The following GFOD1 variants were observed in gnomAD, a reference collection of about 807,000 sequenced individuals.
The protein encoded by GFOD1 is glucose-fructose oxidoreductase domain-containing protein 1.
Under a neutral mutation model 25.4 loss-of-function variants are expected in GFOD1, and 9 were observed. The ratio of observed to expected loss-of-function variants is 0.35; its 90% CI spans 0.21 to 0.62. GFOD1 has a LOEUF of 0.62. Ranked by LOEUF, GFOD1 falls within the 20% of genes least tolerant of loss-of-function variation. GFOD1 has a pLI of 0.72. For synonymous variants in GFOD1, 253 were observed against 245.6 expected (o/e 1.03, Z -0.28); for missense variants, 403 against 556.9 (o/e 0.72, Z 2.78).
Position 13,364,028 on chromosome 6 carries a change from C to G in GFOD1, c.*715G>C, listed in dbSNP as rs1172041152. ...TGCAGCCTGTGCTCTTTTCTTGTGG[C>G]TCCTGGGAGTCCTGCTTTTTGCTTG... On this transcript the variant is annotated 3_prime_UTR_variant, in exon 2 of 2. Coordinates refer to ENST00000379287, the MANE Select transcript of GFOD1 (RefSeq NM_018988.4). The surrounding 1 kb of genome is among the most constrained non-coding windows in gnomAD (Gnocchi z 4.1). The G allele has an allele frequency of 6.6e-6, 1 of 152,226 alleles. No individual in the cohort carries two copies. The allele number at this position is 152,226 out of a possible 1,614,324, so 9.4% of individuals were successfully genotyped here. A position where few individuals can be genotyped will look rare whatever the true frequency, so the allele number is the denominator to read the frequency against.
intron 1 of GFOD1, among the ~76,000 whole-genome samples, chr6:13,421,523 T>C (rs1562213909): frequency 6.6e-6 from 1 of 151,864 alleles, no homozygotes; most frequent in Non-Finnish European, 1.5e-5. Context: ...CTTAAAAAAT[T>C]ATACTTTCTG....
rs1342729982 is a variant in GFOD1 at position 13,361,822 on chromosome 6, A to C, written c.*2921T>G. 6.6e-6 allele frequency: 1 copy of C among 152,206 alleles called. No individual in the cohort carries two copies. Among genetic ancestry groups the C allele is most frequent in the Admixed American group, 6.5e-5 (1 of 15,288 alleles). 9.4% of individuals were successfully genotyped at this position (152,206 alleles called of 1,614,324 possible). ...TAAAATATTTTTTCATGCCTCTTTT[A>C]AAGAATATATGTTCTTTCTAATACC... On this transcript the variant is annotated 3_prime_UTR_variant, in exon 2 of 2. Coordinates refer to ENST00000379287, the MANE Select transcript of GFOD1 (RefSeq NM_018988.4).
At position 13,360,569 on chromosome 6, in the gene GFOD1, G is replaced by T. The variant is rs1396104828; in HGVS notation, c.*4174C>A. The T allele has an allele frequency of 5.0e-6, 2 of 396,364 alleles. No individual in the cohort carries two copies. The highest frequency in any genetic ancestry group is 1.0e-5 in the Non-Finnish European group (2 of 193,580). 24.6% of individuals were successfully genotyped at this position (396,364 alleles called of 1,614,324 possible). The stretch of plus-strand genomic sequence containing the variant: ...GCCAACAAGATTTTGAAAATCCCCA[G>T]CCCTGAGGCTTGCTGCATCACCTAC... On this transcript the variant is annotated 3_prime_UTR_variant, in exon 2 of 2. Coordinates refer to ENST00000379287, the MANE Select transcript of GFOD1 (RefSeq NM_018988.4).
intron 1 of GFOD1, among the ~76,000 whole-genome samples, chr6:13,485,804 C>T (rs968711418): frequency 1.5e-4 from 23 of 152,302 alleles, no homozygotes; most frequent in Admixed American, 1.2e-3. Context: ...TCATGCAAAG[C>T]ATCCATGCCT....
chr6:13,402,410 G>A (rs1785864503), intron 1 of GFOD1, among the ~76,000 whole-genome samples: 1 of 152,152 alleles, frequency 6.6e-6, no homozygotes, highest in South Asian at 2.1e-4. Flanking sequence ...CTGAATGGTA[G>A]AATATATTTG....
intron 1 of GFOD1, among the ~76,000 whole-genome samples, chr6:13,433,460 A>G (rs1409478392): frequency 6.6e-6 from 1 of 152,164 alleles, no homozygotes; most frequent in Non-Finnish European, 1.5e-5. Context: ...TGTCCTGTGC[A>G]TCATAGGATA....
At chr6:13,437,061 G>C (rs1245483338) in intron 1 of GFOD1, among the ~76,000 whole-genome samples, 3 of 152,148 alleles carry the variant, frequency 2.0e-5, no homozygotes, top group Non-Finnish European at 2.9e-5. Context: ...ACCACTTTCA[G>C]AGGGAAAGTG....
At chr6:13,463,298 G>A (rs1208569213) in intron 1 of GFOD1, among the ~76,000 whole-genome samples, 2 of 152,112 alleles carry the variant, frequency 1.3e-5, no homozygotes, top group Non-Finnish European at 2.9e-5. Context: ...GCCAATTAGC[G>A]AGTTAGGGGC....
intron 1 of GFOD1, among the ~76,000 whole-genome samples, chr6:13,477,993 G>A (rs193019886): frequency 1.3e-5 from 2 of 151,864 alleles, no homozygotes; most frequent in Admixed American, 1.3e-4. Context: ...GAACCTGGGA[G>A]GTGGAGGCTG....
intron 1 of GFOD1, among the ~76,000 whole-genome samples, chr6:13,375,187 G>A (rs1785233679): frequency 6.6e-6 from 1 of 152,156 alleles, no homozygotes; most frequent in Non-Finnish European, 1.5e-5. Context: ...CTCCCATCAA[G>A]TCGTACTTTG....
At position 13,363,584 on chromosome 6, in the gene GFOD1, T is replaced by A. The variant is rs963331068; in HGVS notation, c.*1159A>T. On this transcript the variant is annotated 3_prime_UTR_variant, in exon 2 of 2. Coordinates refer to ENST00000379287, the MANE Select transcript of GFOD1 (RefSeq NM_018988.4). ...TTTTTTTTTTTTTTTTTTTTTTTTT[T>A]GTAAGGAAAGAGGATTCTGATTGGA... The A allele has an allele frequency of 7.6e-4, 68 of 89,746 alleles. No homozygotes were observed. The highest frequency in any genetic ancestry group is 2.6e-3 in the African/African-American group (63 of 23,948). 5.6% of individuals were successfully genotyped at this position (89,746 alleles called of 1,614,324 possible). A position where few individuals can be genotyped will look rare whatever the true frequency, so the allele number is the denominator to read the frequency against.
intron 1 of GFOD1, among the ~76,000 whole-genome samples, chr6:13,384,580 T>G (rs1785428729): frequency 6.6e-6 from 1 of 152,220 alleles, no homozygotes; most frequent in Non-Finnish European, 1.5e-5. Flanking sequence ...CTGTAGAGAC[T>G]TTTTAGTACT....
At chr6:13,381,886 T>C (rs1584615849) in intron 1 of GFOD1, among the ~76,000 whole-genome samples, 1 of 143,640 alleles carries the variant, frequency 7.0e-6, no homozygotes. Context: ...CCCCCTGGAG[T>C]AAGAGAAATA....
chr6:13,447,826 AAG>A (rs1758031495), intron 1 of GFOD1, among the ~76,000 whole-genome samples: 1 of 151,854 alleles, frequency 6.6e-6, no homozygotes, highest in African/African-American at 2.4e-5. Flanking sequence ...CAAAAAAGTA[AAG>A]AGAACAGAGT....
chr6:13,415,927 C>T (rs7765973), intron 1 of GFOD1, among the ~76,000 whole-genome samples: 5,229 of 152,244 alleles, frequency 0.034, 222 homozygotes, highest in African/African-American at 0.1. Context: ...TCCCATCCCT[C>T]GAGGAATTTA....
chr6:13,388,195 A>C (rs1201588768), intron 1 of GFOD1, among the ~76,000 whole-genome samples: 1 of 152,228 alleles, frequency 6.6e-6, no homozygotes, highest in Non-Finnish European at 1.5e-5. Flanking sequence ...TGCCCAAGGT[A>C]ATTTATAGAT....
chr6:13,425,928 T>A (rs1786344187), intron 1 of GFOD1, among the ~76,000 whole-genome samples: 3 of 149,258 alleles, frequency 2.0e-5, no homozygotes, highest in Admixed American at 1.3e-4. Context: ...AAGAAAAAAA[T>A]TCACATTTTA....
At chr6:13,483,007 G>A (rs2127580039) in intron 1 of GFOD1, among the ~76,000 whole-genome samples, 1 of 151,812 alleles carries the variant, frequency 6.6e-6, no homozygotes, top group South Asian at 2.1e-4. Flanking sequence ...TAAACAACTG[G>A]TAATAATGAT....
intron 1 of GFOD1, among the ~76,000 whole-genome samples, chr6:13,366,647 A>G (rs187146945): frequency 1.4e-5 from 2 of 147,194 alleles, no homozygotes; most frequent in Non-Finnish European, 3.0e-5. Flanking sequence ...TTTTTTTTTT[A>G]AAAGAGATGG....
Sources: allele counts gnomAD v4.1 joint callset (sites outside exome capture counted in the v4.1 genomes callset), GRCh38; gene constraint gnomAD v4.1.1; non-coding constraint Gnocchi (gnomAD v3.1); transcripts MANE v1.5; gene names NCBI Gene and HGNC (gene_info 2026-07-23, HGNC 2026-07-21).